Variants in CKMT2 observed in about 807,000 individuals in gnomAD.
CKMT2 encodes the protein creatine kinase S-type, mitochondrial.
CKMT2 carries 43 observed loss-of-function variants against 48.9 expected under a neutral mutation model. That is an observed-to-expected ratio of 0.88 (90% confidence interval 0.69 to 1.13). The LOEUF (loss-of-function observed/expected upper bound fraction) is 1.13, where lower values mean the gene tolerates loss of function less well. Among genes scored for constraint, CKMT2 ranks in the 50% most tolerant of loss-of-function variants. CKMT2 has a pLI of 0.00. For missense variants in CKMT2, 472 were observed against 555.4 expected (o/e 0.85, Z 1.51); for synonymous variants, 206 against 213.0 (o/e 0.97, Z 0.29).
chr5:81,255,313 C>CTGGGAGCT (rs1307084457), intron 5 of CKMT2, 99 bp downstream of exon 5: 17 of 1,097,608 alleles, frequency 1.5e-5, no homozygotes, highest in African/African-American at 3.2e-5. Flanking sequence ...CTTACCCTAG[C>CTGGGAGCT]TGGGAGCTTG....
At chr5:81,239,916 A>C (rs1166465268) in intron 1 of CKMT2, among the ~76,000 whole-genome samples, 1 of 152,162 alleles carries the variant, frequency 6.6e-6, no homozygotes, top group Non-Finnish European at 1.5e-5. Flanking sequence ...GTAAAATGGG[A>C]ATAACACGAG....
intron 1 of CKMT2, among the ~76,000 whole-genome samples, chr5:81,248,805 T>A (rs1756700143): frequency 6.6e-6 from 1 of 152,232 alleles, no homozygotes; most frequent in Non-Finnish European, 1.5e-5. Flanking sequence ...ATTTGTTACT[T>A]GCACACATAA....
At chr5:81,242,764 A>G (rs1309488937) in intron 1 of CKMT2, among the ~76,000 whole-genome samples, 1 of 152,196 alleles carries the variant, frequency 6.6e-6, no homozygotes, top group Admixed American at 6.5e-5. Flanking sequence ...GTGAGGGGGT[A>G]TCCAAAATGA....
chr5:81,263,196 G>T (rs1039068864), intron 8 of CKMT2, among the ~76,000 whole-genome samples: 4 of 151,460 alleles, frequency 2.6e-5, no homozygotes, highest in Non-Finnish European at 5.9e-5. Flanking sequence ...TTTGGGGAGG[G>T]ATAGCATTAG....
At chr5:81,244,190 T>C in intron 1 of CKMT2, 1 of 985,354 alleles carries the variant, frequency 1.0e-6, no homozygotes, top group Non-Finnish European at 1.2e-6. Context: ...CTAACAGAAG[T>C]CACAAGCCAA....
rs1757381939 is a variant in CKMT2 at position 81,266,259 on chromosome 5, ACTTTCC to A, written c.*9_*14del. The A allele has an allele frequency of 6.2e-7, 1 of 1,612,616 alleles. No homozygotes were observed. The highest frequency in any genetic ancestry group is 8.5e-7 in the Non-Finnish European group (1 of 1,178,880). On this transcript the variant is annotated 3_prime_UTR_variant, in exon 10 of 10. Transcript: ENST00000254035. The stretch of plus-strand genomic sequence containing the variant: ...TCTGCCTCAGTTTGGCAAAAAGTAA[ACTTTCC>A]CTTTCCCAATTTATAAATAATCTGT...
intron 5 of CKMT2, among the ~76,000 whole-genome samples, chr5:81,255,816 A>G (rs1756987890): frequency 7.0e-6 from 1 of 142,128 alleles, no homozygotes; most frequent in Admixed American, 7.3e-5. Flanking sequence ...ACAACTTTAA[A>G]CTCTTAAAAA....
At chr5:81,266,013 A>AG in intron 9 of CKMT2, 126 bp from the exon 10 acceptor site, 1 of 738,210 alleles carries the variant, frequency 1.4e-6, no homozygotes, top group East Asian at 2.6e-5. Flanking sequence ...ATTTCTGAGA[A>AG]GGAAGGAATT....
chr5:81,245,613 G>A (rs1321505340), intron 1 of CKMT2, among the ~76,000 whole-genome samples: 1 of 152,196 alleles, frequency 6.6e-6, no homozygotes, highest in Non-Finnish European at 1.5e-5. Context: ...TCATCACTGG[G>A]TCATAGCAGT....
At chr5:81,258,971 T>C (rs149573920) in intron 7 of CKMT2, 149 bp from the exon 8 acceptor site, 10 of 696,392 alleles carry the variant, frequency 1.4e-5, no homozygotes, top group Non-Finnish European at 2.3e-5. Context: ...AGGAGAGGTA[T>C]TATTTTCTCT....
rs568895194 is a variant in CKMT2, at chr5:81,259,278, C to T, written c.1014+24C>T. Reference sequence around the variant, plus strand: ...AGGTACTGTTATGTGCCCAGTGGCCCTGATGGGCCAGGATCAGCTCAGATG... The same window carrying T: ...AGGTACTGTTATGTGCCCAGTGGCCTTGATGGGCCAGGATCAGCTCAGATG... On this transcript the variant is annotated intron_variant, in intron 8 of 9. Coordinates refer to ENST00000254035, the MANE Select transcript of CKMT2 (RefSeq NM_001099735.2). 11 of 1,606,756 alleles carry T rather than the reference C, an allele frequency of 6.8e-6. No individual in the cohort carries two copies. The African/African-American group carries it at 1.3e-4, about 20-fold the overall frequency.
chr5:81,233,476 C>T (rs1041052363), intron 1 of CKMT2, 99 bp downstream of exon 1: 10 of 851,052 alleles, frequency 1.2e-5, no homozygotes, highest in Non-Finnish European at 1.4e-5. Context: ...GGGCTGTAGA[C>T]GGGGACCCCG....
chr5:81,263,575 G>A lies in CKMT2; in HGVS notation c.1099G>A (p.Val367Met). 1.9e-6 allele frequency: 3 copies of A among 1,612,880 alleles called. No individual in the cohort carries two copies. The highest frequency in any genetic ancestry group is 2.5e-6 in the Non-Finnish European group (3 of 1,179,296). The change falls in exon 9 of 10, where the codon GTG becomes ATG. Residue 367 changes from valine (V) to methionine (M), a missense_variant. By Grantham distance (21) the Val-to-Met change is conservative. Coordinates refer to ENST00000254035, the MANE Select transcript of CKMT2 (RefSeq NM_001099735.2). Reference protein sequence around the residue: ...GGVDTAAVADVYDISNIDRIG... With the variant: ...GGVDTAAVADMYDISNIDRIG... Reference sequence around the variant, plus strand: ...TGTGGACACTGCCGCGGTCGCAGATGTGTACGACATTTCCAACATAGATAG... The same window carrying A: ...TGTGGACACTGCCGCGGTCGCAGATATGTACGACATTTCCAACATAGATAG...
intron 7 of CKMT2, 96 bp downstream of exon 7, chr5:81,257,952 A>G (rs1237011473): frequency 8.1e-7 from 1 of 1,242,040 alleles, no homozygotes; most frequent in Non-Finnish European, 1.1e-6. Context: ...TCCAAGATGG[A>G]GCTAATTTTT....
intron 5 of CKMT2, among the ~76,000 whole-genome samples, chr5:81,256,442 A>AT (rs772369268): frequency 2.0e-5 from 3 of 152,256 alleles, no homozygotes; most frequent in Non-Finnish European, 4.4e-5. Flanking sequence ...TGGTAACTAT[A>AT]TTTATTGATC....
intron 1 of CKMT2, chr5:81,242,407 A>C: frequency 1.9e-6 from 1 of 513,264 alleles, no homozygotes; most frequent in Non-Finnish European, 3.8e-6. Flanking sequence ...ACTACTACAC[A>C]ACTGCAACCA....
intron 1 of CKMT2, among the ~76,000 whole-genome samples, chr5:81,234,203 C>T (rs1756188000): frequency 1.3e-5 from 2 of 152,030 alleles, no homozygotes; most frequent in African/African-American, 2.4e-5. Flanking sequence ...GGAAGAGTGA[C>T]ATTTGACAAA....
intron 3 of CKMT2, among the ~76,000 whole-genome samples, chr5:81,253,441 C>T (rs747368801): frequency 1.3e-5 from 2 of 152,200 alleles, no homozygotes; most frequent in African/African-American, 4.8e-5. Flanking sequence ...ATCCTCAATG[C>T]AGAAGCACAG....
chr5:81,261,218 A>G (rs1481202735), intron 8 of CKMT2, among the ~76,000 whole-genome samples: 2 of 152,192 alleles, frequency 1.3e-5, no homozygotes, highest in Admixed American at 6.5e-5. Context: ...AACATATCTC[A>G]AAATTATAAG....
Sources: allele counts gnomAD v4.1 joint callset (sites outside exome capture counted in the v4.1 genomes callset), GRCh38; gene constraint gnomAD v4.1.1; transcripts MANE v1.5; gene names NCBI Gene and HGNC (gene_info 2026-07-23, HGNC 2026-07-21).